UBE2L3: variants seen among roughly 807,000 people sequenced by gnomAD.
The protein encoded by UBE2L3 is ubiquitin-conjugating enzyme E2 L3.
A neutral mutation model predicts 17.8 loss-of-function variants in UBE2L3; 1 was observed. The ratio of observed to expected loss-of-function variants is 0.06; its 90% CI spans 0.02 to 0.27. The LOEUF (loss-of-function observed/expected upper bound fraction) is 0.27. Among genes scored for constraint, UBE2L3 ranks in the 10% least tolerant of loss-of-function variants. The pLI, the probability that UBE2L3 is intolerant of heterozygous loss-of-function variation, is 1.00. For missense variants in UBE2L3, 40 were observed against 192.6 expected (o/e 0.21, Z 4.69); for synonymous variants, 44 against 68.5 (o/e 0.64, Z 1.76).
At position 21,597,775 on chromosome 22, in the gene UBE2L3, A is replaced by ATTTTTT. The variant is rs35054754; in HGVS notation, c.123+4846_123+4851dup. 1.8e-3 allele frequency among the ~76,000 whole-genome samples: 45 copies of ATTTTTT among 25,600 alleles called. 8 individuals carry two copies. Among genetic ancestry groups the ATTTTTT allele is most frequent in the African/African-American group, 4.6e-3 (30 of 6,510 alleles). 16.8% of individuals were successfully genotyped at this position (25,600 alleles called of 152,430 possible). The stretch of plus-strand genomic sequence containing the variant: ...GGATCTTTGATCCATTTATATGTAG[A>ATTTTTT]TTTTTTTTTTTTTTTTTTTTTTTTT... On this transcript the variant is annotated intron_variant, in intron 2 of 3. Transcript: ENST00000342192.
intron 2 of UBE2L3, among the ~76,000 whole-genome samples, chr22:21,602,030 C>T (rs190666910): frequency 4.6e-5 from 7 of 151,940 alleles, no homozygotes; most frequent in Admixed American, 1.3e-4. Flanking sequence ...GCCGCGTCCC[C>T]TTGTTCTCTC....
At chr22:21,567,309 G>T (rs971791283), upstream of UBE2L3, among the ~76,000 whole-genome samples, 1 of 152,020 alleles carries the variant, frequency 6.6e-6, no homozygotes, top group African/African-American at 2.4e-5. Flanking sequence ...GATTACAGGC[G>T]CCCGCCACCA....
In UBE2L3 at chr22:21,592,968, A is replaced by ACACTTC. The variant is rs1337362852; in HGVS notation, c.123+20_123+25dup. On this transcript the variant is annotated intron_variant, in intron 2 of 3. Coordinates refer to ENST00000342192, the MANE Select transcript of UBE2L3 (RefSeq NM_003347.4). ...GGCTTATTGTTCCTGTGAGTATTGA[A>ACACTTC]CACTTCCACTTCCTACCAGATTATT... is the stretch of plus-strand genomic sequence containing the variant. 1 of 1,603,344 alleles carries ACACTTC rather than the reference A, an allele frequency of 6.2e-7. No individual in the cohort carries two copies. The highest frequency in any genetic ancestry group is 2.2e-5 in the East Asian group (1 of 44,818).
intron 3 of UBE2L3, among the ~76,000 whole-genome samples, chr22:21,620,764 T>C (rs1930004897): frequency 6.6e-6 from 1 of 152,182 alleles, no homozygotes; most frequent in African/African-American, 2.4e-5. Context: ...CAGAAACTCC[T>C]AAGGGTCTTC....
chr22:21,593,226 C>G (rs1928353435), intron 2 of UBE2L3, among the ~76,000 whole-genome samples: 1 of 152,158 alleles, frequency 6.6e-6, no homozygotes, highest in Admixed American at 6.5e-5. Flanking sequence ...TGTGCTCCTG[C>G]TCTTTCCTGA....
chr22:21,617,006 C>T (rs1929812418), intron 3 of UBE2L3, among the ~76,000 whole-genome samples: 3 of 151,746 alleles, frequency 2.0e-5, no homozygotes, highest in Non-Finnish European at 2.9e-5. Context: ...GTCAGGAGAT[C>T]GAGACCATCC....
rs1264383517 is a variant in UBE2L3, at chr22:21,622,849, G to T, written c.*1180G>T. ...TTTGCAGAGTCAAGCTCCACTTGAA[G>T]CTCACTCAGTAATATCCTTTCAATG... On this transcript the variant is annotated 3_prime_UTR_variant, in exon 4 of 4. Transcript: ENST00000342192. 2 of 152,808 alleles carry T rather than the reference G, an allele frequency of 1.3e-5. No homozygotes were observed. Among genetic ancestry groups the T allele is most frequent in the Non-Finnish European group, 2.9e-5 (2 of 68,050 alleles). The allele number at this position is 152,808 out of a possible 1,614,324, so 9.5% of individuals were successfully genotyped here.
chr22:21,577,863 A>C (rs1463714298), intron 1 of UBE2L3, among the ~76,000 whole-genome samples: 1 of 152,150 alleles, frequency 6.6e-6, no homozygotes. Context: ...TTATCCCAGC[A>C]GGCACATCTG....
At chr22:21,569,469 T>A (rs1054158407) in intron 1 of UBE2L3, among the ~76,000 whole-genome samples, 1 of 151,564 alleles carries the variant, frequency 6.6e-6, no homozygotes. Flanking sequence ...ACTCTGAATC[T>A]ATATCCTCAT....
intron 2 of UBE2L3, among the ~76,000 whole-genome samples, chr22:21,601,608 C>G (rs1445555529): frequency 6.6e-6 from 1 of 151,928 alleles, no homozygotes; most frequent in African/African-American, 2.4e-5. Flanking sequence ...AGCCACTGTG[C>G]CTGGCCTAAC....
chr22:21,565,131 T>C (rs1263522124), upstream of UBE2L3, among the ~76,000 whole-genome samples: 2 of 151,958 alleles, frequency 1.3e-5, no homozygotes, highest in Non-Finnish European at 2.9e-5. Context: ...CTTGCTGTGT[T>C]ACCCAGGCTG....
At chr22:21,601,786 A>G (rs1928873188) in intron 2 of UBE2L3, among the ~76,000 whole-genome samples, 1 of 151,634 alleles carries the variant, frequency 6.6e-6, no homozygotes, top group African/African-American at 2.4e-5. Flanking sequence ...CCTGGCTAAC[A>G]CGGTGAAACC....
chr22:21,579,251 CAA>C (rs1287581134), intron 1 of UBE2L3, among the ~76,000 whole-genome samples: 1 of 152,076 alleles, frequency 6.6e-6, no homozygotes, highest in Non-Finnish European at 1.5e-5. Flanking sequence ...CTCGGCCTCC[CAA>C]AGTGCTGGGA....
intron 1 of UBE2L3, among the ~76,000 whole-genome samples, chr22:21,561,710 G>A (rs1317218305): frequency 1.3e-5 from 2 of 152,288 alleles, no homozygotes; most frequent in African/African-American, 2.4e-5. Flanking sequence ...CACAGGCAGA[G>A]GGAACAGCCT....
upstream of UBE2L3, among the ~76,000 whole-genome samples, chr22:21,563,006 G>T (rs928013657): frequency 6.6e-6 from 1 of 151,662 alleles, no homozygotes; most frequent in African/African-American, 2.4e-5. Context: ...CACTTTGGGA[G>T]GCCGAAATGG....
intron 3 of UBE2L3, among the ~76,000 whole-genome samples, chr22:21,619,315 G>T (rs1170113644): frequency 6.6e-6 from 1 of 152,196 alleles, no homozygotes; most frequent in Non-Finnish European, 1.5e-5. Flanking sequence ...GTACAGGGAG[G>T]TGATACCACC....
chr22:21,620,707 T>C (rs1374703033), intron 3 of UBE2L3, among the ~76,000 whole-genome samples: 2 of 152,074 alleles, frequency 1.3e-5, no homozygotes, highest in Admixed American at 1.3e-4. Context: ...GCGATGGCGG[T>C]TGTCAGCTTC....
Position 21,606,315 on chromosome 22 carries a change from A to ATGTGTGTG in UBE2L3, c.124-4533_124-4526dup, listed in dbSNP as rs145064151. On this transcript the variant is annotated intron_variant, in intron 2 of 3. Coordinates refer to ENST00000342192, the MANE Select transcript of UBE2L3 (RefSeq NM_003347.4). ...GTGTGCGCGCGCGCGTGTGTGTGGT[A>ATGTGTGTG]TGTGTGTGTGTGTGTGGTGTGTGTG... Among the ~76,000 whole-genome samples the ATGTGTGTG allele has an allele frequency of 3.3e-5, 5 of 150,338 alleles. No individual in the cohort carries two copies. The East Asian group carries it at 9.9e-4, about 30-fold the overall frequency.
intron 3 of UBE2L3, among the ~76,000 whole-genome samples, chr22:21,612,918 T>A (rs1333388150): frequency 6.6e-6 from 1 of 152,186 alleles, no homozygotes; most frequent in East Asian, 1.9e-4. Flanking sequence ...ATTACAGGCA[T>A]GAGCCATCAT....
Sources: allele counts gnomAD v4.1 joint callset (sites outside exome capture counted in the v4.1 genomes callset), GRCh38; gene constraint gnomAD v4.1.1; transcripts MANE v1.5; gene names NCBI Gene and HGNC (gene_info 2026-07-23, HGNC 2026-07-21).